AFAP1: variants seen among roughly 807,000 people sequenced by gnomAD.
AFAP1 encodes actin filament-associated protein 1.
In AFAP1, 75 loss-of-function variants were observed where a neutral mutation model predicts 93.9. The ratio of observed to expected loss-of-function variants is 0.80; its 90% CI spans 0.66 to 0.97. The LOEUF (loss-of-function observed/expected upper bound fraction) is 0.97. Among genes scored for constraint, AFAP1 ranks in the 50% least tolerant of loss-of-function variants. The pLI is 0.00. For synonymous variants in AFAP1, 517 were observed against 430.7 expected (o/e 1.20, Z -2.48); for missense variants, 1,201 against 1,050.8 (o/e 1.14, Z -1.98).
chr4:7,882,797 T>C (rs1717928833), intron 1 of AFAP1, among the ~76,000 whole-genome samples: 1 of 152,036 alleles, frequency 6.6e-6, no homozygotes, highest in South Asian at 2.1e-4. Flanking sequence ...AGGCGGAGGC[T>C]GCAGTGAGCC....
chr4:7,763,431 C>G lies in AFAP1; in HGVS notation c.*334G>C. ...CTCATGGAACCATCCATCCTCAGTC[C>G]AGGGCTGGGTTGGAATCGGTGAAAG... is the stretch of plus-strand genomic sequence containing the variant. On this transcript the variant is annotated 3_prime_UTR_variant, in exon 18 of 18. Transcript: ENST00000420658. The G allele has an allele frequency of 3.4e-6, 1 of 290,914 alleles. No individual in the cohort carries two copies. The highest frequency in any genetic ancestry group is 4.9e-5 in the Admixed American group (1 of 20,528). 18.0% of individuals were successfully genotyped at this position (290,914 alleles called of 1,614,324 possible).
intron 6 of AFAP1, among the ~76,000 whole-genome samples, chr4:7,832,412 C>T (rs1711737573): frequency 6.6e-6 from 1 of 151,924 alleles, no homozygotes; most frequent in Non-Finnish European, 1.5e-5. Flanking sequence ...GGGTCAGAAC[C>T]ACATGCTTTC....
At chr4:7,814,432 G>A (rs931814823) in intron 8 of AFAP1, among the ~76,000 whole-genome samples, 7 of 152,162 alleles carry the variant, frequency 4.6e-5, no homozygotes, top group African/African-American at 1.7e-4. Context: ...TTACCCGAGG[G>A]AAATGAAAAC....
At chr4:7,874,258 T>C (rs1717319552) in intron 1 of AFAP1, among the ~76,000 whole-genome samples, 1 of 152,140 alleles carries the variant, frequency 6.6e-6, no homozygotes, top group Non-Finnish European at 1.5e-5. Flanking sequence ...ACTTGTCAAG[T>C]TTTGGTGTAG....
At chr4:7,850,863 G>A (rs1049328606) in intron 4 of AFAP1, among the ~76,000 whole-genome samples, 2 of 152,224 alleles carry the variant, frequency 1.3e-5, no homozygotes, top group South Asian at 2.1e-4. Flanking sequence ...TGACCTCATG[G>A]ATTATCGTTT....
intron 5 of AFAP1, among the ~76,000 whole-genome samples, chr4:7,842,135 A>G (rs1159054779): frequency 6.6e-6 from 1 of 152,084 alleles, no homozygotes; most frequent in Non-Finnish European, 1.5e-5. Flanking sequence ...CCATGGCATC[A>G]TTTTTGGCAC....
At chr4:7,866,134 T>C (rs1378671891) in intron 3 of AFAP1, among the ~76,000 whole-genome samples, 1 of 152,104 alleles carries the variant, frequency 6.6e-6, no homozygotes, top group Non-Finnish European at 1.5e-5. Context: ...TGACCTCAGG[T>C]GATCCACCCA....
chr4:7,831,102 A>C (rs1711554454), intron 6 of AFAP1, among the ~76,000 whole-genome samples: 1 of 152,212 alleles, frequency 6.6e-6, no homozygotes, highest in South Asian at 2.1e-4. Context: ...ACTGGGAATC[A>C]ATGTTTTTTA....
At chr4:7,930,702 A>C (rs553476308) in intron 1 of AFAP1, among the ~76,000 whole-genome samples, 3 of 152,160 alleles carry the variant, frequency 2.0e-5, no homozygotes, top group South Asian at 2.1e-4. Flanking sequence ...CTGGGCCAAA[A>C]ACCAGGATGA....
intron 8 of AFAP1, among the ~76,000 whole-genome samples, chr4:7,814,498 G>A (rs1015244007): frequency 9.2e-5 from 14 of 152,238 alleles, no homozygotes; most frequent in African/African-American, 3.1e-4. Flanking sequence ...TTCAACCGTC[G>A]CTCCAAAGTG....
At chr4:7,869,468 G>A (rs767717595) in intron 2 of AFAP1, among the ~76,000 whole-genome samples, 31 of 152,210 alleles carry the variant, frequency 2.0e-4, no homozygotes, top group Non-Finnish European at 4.1e-4. Context: ...GTCAGATACT[G>A]TAATAGACAT....
At chr4:7,914,058 CTT>C (rs748005244) in intron 1 of AFAP1, among the ~76,000 whole-genome samples, 16 of 144,692 alleles carry the variant, frequency 1.1e-4, no homozygotes, top group Admixed American at 1.4e-4. Flanking sequence ...ACTATATATT[CTT>C]TTTTTTTTTT....
At chr4:7,860,749 G>T (rs762248302) in intron 3 of AFAP1, among the ~76,000 whole-genome samples, 3 of 152,176 alleles carry the variant, frequency 2.0e-5, no homozygotes, top group Non-Finnish European at 4.4e-5. Flanking sequence ...GGGCTGAGCG[G>T]ACAAGATGTA....
At chr4:7,848,038 T>A (rs1713940702) in intron 4 of AFAP1, among the ~76,000 whole-genome samples, 1 of 150,510 alleles carries the variant, frequency 6.6e-6, no homozygotes, top group Admixed American at 6.6e-5. Flanking sequence ...GATGGATCGA[T>A]GTATGGATGG....
chr4:7,861,407 A>G (rs1268776744), intron 3 of AFAP1, among the ~76,000 whole-genome samples: 3 of 152,224 alleles, frequency 2.0e-5, no homozygotes, highest in Non-Finnish European at 2.9e-5. Flanking sequence ...AATGGTTTCA[A>G]TCCTAACACT....
At chr4:7,910,939 C>T (rs1263934309) in intron 1 of AFAP1, among the ~76,000 whole-genome samples, 3 of 152,202 alleles carry the variant, frequency 2.0e-5, no homozygotes, top group African/African-American at 7.2e-5. Flanking sequence ...ACTCCCAGAC[C>T]AGAGCACCGA....
chr4:7,779,393 A>G (rs1716507888), intron 13 of AFAP1, among the ~76,000 whole-genome samples: 1 of 152,208 alleles, frequency 6.6e-6, no homozygotes, highest in Non-Finnish European at 1.5e-5. Flanking sequence ...GAGAAGCATA[A>G]CACAGGCACA....
rs754364297 is a variant in AFAP1 at position 7,855,550 on chromosome 4, A to G, written c.250T>C (p.Leu84=). 7 of 1,613,910 alleles carry G rather than the reference A, an allele frequency of 4.3e-6. No individual in the cohort carries two copies. Among genetic ancestry groups the G allele is most frequent in the Non-Finnish European group, 5.1e-6 (6 of 1,179,928 alleles). Reference sequence around the variant, plus strand: ...CCTTCTGGGAGGGAGGATGTTGGCAATGGTGGAGGCCCACTGTCAGGAGGC... The same window carrying G: ...CCTTCTGGGAGGGAGGATGTTGGCAGTGGTGGAGGCCCACTGTCAGGAGGC... The part of the protein sequence containing the change: ...WLPPDSGPPP[L]PTSSLPEGYY... Residue 84 remains leucine, a synonymous_variant, in exon 4 of 18, where the codon TTG becomes CTG. Transcript: ENST00000420658.
At chr4:7,786,648 G>A (rs1465181319) in intron 11 of AFAP1, among the ~76,000 whole-genome samples, 3 of 149,620 alleles carry the variant, frequency 2.0e-5, no homozygotes, top group Admixed American at 6.6e-5. Flanking sequence ...CTAGGTACAC[G>A]CAGCAAAGTC....
Sources: gnomAD v4.1 joint callset for allele counts (sites outside exome capture counted in the v4.1 genomes callset) on GRCh38, gnomAD v4.1.1 for gene constraint, MANE v1.5 for transcripts, NCBI Gene and HGNC (gene_info 2026-07-23, HGNC 2026-07-21) for gene names.